Variants in RBMS3 observed in about 807,000 individuals in gnomAD.
RBMS3 encodes the protein RNA-binding motif, single-stranded-interacting protein 3.
In RBMS3, 27 loss-of-function variants were observed where a neutral mutation model predicts 66.8. The ratio of observed to expected loss-of-function variants is 0.40; its 90% confidence interval spans 0.30 to 0.56. The LOEUF is 0.56. Among genes scored for constraint, RBMS3 ranks in the 20% least tolerant of loss-of-function variants. The probability of loss-of-function intolerance (pLI) is 0.40; values close to 1 mark genes in which losing one functional copy is unlikely to be tolerated. For missense variants in RBMS3, 513 were observed against 549.5 expected (o/e 0.93, Z 0.66); for synonymous variants, 188 against 183.0 (o/e 1.03, Z -0.22).
chr3:29,730,385 C>T (rs1269570910), intron 4 of RBMS3, among the ~76,000 whole-genome samples: 1 of 152,092 alleles, frequency 6.6e-6, no homozygotes, highest in African/African-American at 2.4e-5. Flanking sequence ...ATATCTTTTA[C>T]ATTTCAATGG....
intron 4 of RBMS3, among the ~76,000 whole-genome samples, chr3:29,670,015 T>C (rs1418273264): frequency 6.6e-6 from 1 of 152,214 alleles, no homozygotes; most frequent in Non-Finnish European, 1.5e-5. Flanking sequence ...TTTTTGTTTA[T>C]TAGCTTCTGA....
At chr3:29,766,468 T>C (rs1293376020) in intron 6 of RBMS3, 2 of 152,002 alleles carry the variant, frequency 1.3e-5, no homozygotes, top group African/African-American at 2.4e-5. Flanking sequence ...ATTTGAGCCA[T>C]TGTTGGAATA....
chr3:29,819,400 A>G (rs964566642), intron 6 of RBMS3, among the ~76,000 whole-genome samples: 2 of 152,250 alleles, frequency 1.3e-5, no homozygotes, highest in East Asian at 1.9e-4. Flanking sequence ...CTTTATTTAC[A>G]TAAACAGATA....
Position 29,704,045 on chromosome 3 carries a change from C to T in RBMS3, c.400-35675C>T, listed in dbSNP as rs1281192347. 2.0e-5 allele frequency among the ~76,000 whole-genome samples: 3 copies of T among 152,220 alleles called. No individual in the cohort carries two copies. The South Asian group carries it at 6.2e-4, about 32-fold the overall frequency. ...AATGTCTGATGATCTGTCACTGTCT[C>T]TCATCAACCCCAGATTGGACTGTCT... On this transcript the variant is annotated intron_variant, in intron 4 of 14. Transcript: ENST00000383767.
chr3:29,816,507 C>CT (rs1003647957), intron 6 of RBMS3, among the ~76,000 whole-genome samples: 7 of 151,648 alleles, frequency 4.6e-5, no homozygotes, highest in East Asian at 1.9e-4. Flanking sequence ...ATAAAACCAA[C>CT]TTTTTTTTTG....
At chr3:29,453,270 A>G (rs1023060247) in intron 2 of RBMS3, among the ~76,000 whole-genome samples, 1 of 152,222 alleles carries the variant, frequency 6.6e-6, no homozygotes, top group Non-Finnish European at 1.5e-5. Context: ...TTAGGTAAAG[A>G]AAACTGGGAC....
At chr3:29,806,660 G>A (rs1484095241) in intron 6 of RBMS3, among the ~76,000 whole-genome samples, 9 of 151,570 alleles carry the variant, frequency 5.9e-5, no homozygotes, top group African/African-American at 1.9e-4. Flanking sequence ...TCTTCACTAT[G>A]TCTGTTCATA....
intron 2 of RBMS3, among the ~76,000 whole-genome samples, chr3:29,456,204 A>G (rs1575865233): frequency 6.6e-6 from 1 of 152,294 alleles, no homozygotes; most frequent in South Asian, 2.1e-4. Flanking sequence ...AAAAAATTTT[A>G]TTTGAAGTAG....
intron 14 of RBMS3, among the ~76,000 whole-genome samples, chr3:30,003,256 G>A (rs1199800840): frequency 6.6e-6 from 1 of 151,952 alleles, no homozygotes; most frequent in Non-Finnish European, 1.5e-5. Flanking sequence ...ATAGTAAAAT[G>A]ATATTTTTCT....
At chr3:29,875,944 G>A (rs1012990832) in intron 7 of RBMS3, among the ~76,000 whole-genome samples, 2 of 152,054 alleles carry the variant, frequency 1.3e-5, no homozygotes, top group Non-Finnish European at 2.9e-5. Flanking sequence ...AGACTGTGAC[G>A]ATATAGTGCA....
intron 12 of RBMS3, among the ~76,000 whole-genome samples, chr3:29,960,890 TC>T (rs1696387686): frequency 6.6e-6 from 1 of 152,020 alleles, no homozygotes. Flanking sequence ...CTATTTTTCC[TC>T]CTTAGCCTCT....
chr3:29,787,935 A>G (rs538470640), intron 6 of RBMS3, among the ~76,000 whole-genome samples: 2 of 152,246 alleles, frequency 1.3e-5, no homozygotes, highest in South Asian at 4.1e-4. Context: ...TCTAATGTAC[A>G]TTTGATTTAT....
intron 2 of RBMS3, among the ~76,000 whole-genome samples, chr3:29,439,956 A>G (rs2041554070): frequency 6.6e-6 from 1 of 152,232 alleles, no homozygotes; most frequent in African/African-American, 2.4e-5. Flanking sequence ...TTATCTCAGG[A>G]AGACCAGACG....
intron 12 of RBMS3, among the ~76,000 whole-genome samples, chr3:29,975,201 C>G (rs1314277474): frequency 6.7e-6 from 1 of 149,012 alleles, no homozygotes; most frequent in Admixed American, 6.8e-5. Context: ...TGACTTCCAG[C>G]TTAGAATCAT....
At chr3:29,844,077 G>A (rs1389124364) in intron 6 of RBMS3, among the ~76,000 whole-genome samples, 1 of 152,012 alleles carries the variant, frequency 6.6e-6, no homozygotes, top group Admixed American at 6.6e-5. Context: ...ATTAAAATAT[G>A]TAGTTTTACA....
intron 4 of RBMS3, among the ~76,000 whole-genome samples, chr3:29,728,291 T>C (rs1234110849): frequency 6.6e-6 from 1 of 152,112 alleles, no homozygotes; most frequent in East Asian, 1.9e-4. Context: ...GGTCGATAGG[T>C]GCAGCAAGCC....
intron 14 of RBMS3, among the ~76,000 whole-genome samples, chr3:29,999,593 T>C (rs1699478652): frequency 6.6e-6 from 1 of 152,044 alleles, no homozygotes; most frequent in Non-Finnish European, 1.5e-5. Context: ...AAATGATGAG[T>C]TCATGTCCTT....
chr3:29,782,256 CAA>C (rs2056662473), intron 6 of RBMS3, among the ~76,000 whole-genome samples: 1 of 152,156 alleles, frequency 6.6e-6, no homozygotes, highest in Admixed American at 6.5e-5. Flanking sequence ...AAAACACAAG[CAA>C]GGACCCTCAC....
At chr3:29,847,646 T>C (rs1347199727) in intron 6 of RBMS3, among the ~76,000 whole-genome samples, 3 of 122,692 alleles carry the variant, frequency 2.4e-5, no homozygotes, top group South Asian at 4.9e-4. Context: ...TTGTGTTTTA[T>C]TTTTTTTTTT....
Sources: gnomAD v4.1 joint callset for allele counts (sites outside exome capture counted in the v4.1 genomes callset) on GRCh38, gnomAD v4.1.1 for gene constraint, MANE v1.5 for transcripts, NCBI Gene and HGNC (gene_info 2026-07-23, HGNC 2026-07-21) for gene names.